Variants in RABL6 observed in about 807,000 individuals in gnomAD.
RABL6 encodes the protein RAB, member RAS oncogene family like 6.
Under a neutral mutation model 72.9 loss-of-function variants are expected in RABL6, and 28 were observed. The ratio of observed to expected loss-of-function variants is 0.38; its 90% CI spans 0.28 to 0.53. RABL6 has a LOEUF of 0.53. RABL6 is among the 20% of genes least tolerant of loss of function. RABL6 has a pLI of 0.80. For missense variants in RABL6, 1,029 were observed against 1,008.4 expected, an observed-to-expected ratio of 1.02 and a Z score of -0.28; for synonymous variants, 477 against 421.2, an observed-to-expected ratio of 1.13 and a Z score of -1.62.
At chr9:136,834,963 G>A (rs972237541) in intron 7 of RABL6, among the ~76,000 whole-genome samples, 7 of 137,654 alleles carry the variant, frequency 5.1e-5, no homozygotes, top group Non-Finnish European at 7.9e-5. Context: ...CTCTGAAAAA[G>A]ATGATTCAAA....
intron 1 of RABL6, chr9:136,813,055 C>T: frequency 2.6e-6 from 1 of 378,644 alleles, no homozygotes; most frequent in Non-Finnish European, 5.1e-6. Context: ...GCCTTTGGGG[C>T]ACCCGGTTTC....
rs770149545 is a variant in RABL6, at chr9:136,833,714, C to A, written c.705+1344C>A. 41 of 1,550,344 alleles carry A rather than the reference C, an allele frequency of 2.6e-5. No individual in the cohort carries two copies. In the South Asian group the frequency reaches 4.9e-4, roughly 18 times the overall value. ...TGCAGCTGCAGCAGCCTTGGTCTTT[C>A]TCCAGAAGGATGTCAGGCTTGCCCA... On this transcript the variant is annotated intron_variant, in intron 7 of 14. Transcript: ENST00000311502.
intron 10 of RABL6, 129 bp downstream of exon 10, chr9:136,838,144 C>G (rs1848618621): frequency 8.5e-7 from 1 of 1,179,732 alleles, no homozygotes; most frequent in Admixed American, 2.5e-5. Context: ...TGGCTGAGGA[C>G]AGAGCAGCTC....
Position 136,807,999 on chromosome 9 carries a change from C to T in RABL6, c.-198C>T. The T allele has an allele frequency of 2.0e-6, 2 of 1,016,390 alleles. No homozygotes were observed. Among genetic ancestry groups the T allele is most frequent in the African/African-American group, 1.7e-5 (1 of 57,618 alleles). 63.0% of individuals were successfully genotyped at this position (1,016,390 alleles called of 1,614,324 possible). ...CGGTCGCGCCGGAGGCCGCGGGGGCCGGAGCGGAGCAGCCGCGGCTGAGGT... is the reference window on the plus strand; with the variant it reads ...CGGTCGCGCCGGAGGCCGCGGGGGCTGGAGCGGAGCAGCCGCGGCTGAGGT... On this transcript the variant is annotated 5_prime_UTR_variant, in exon 1 of 15. Coordinates refer to ENST00000311502, the MANE Select transcript of RABL6 (RefSeq NM_024718.5).
At chr9:136,829,023 CCT>C (rs1362743461) in intron 4 of RABL6, among the ~76,000 whole-genome samples, 3 of 152,184 alleles carry the variant, frequency 2.0e-5, no homozygotes, top group Non-Finnish European at 4.4e-5. Flanking sequence ...TGCAGCTAAC[CCT>C]GTTTGTGGGC....
chr9:136,824,860 T>C (rs1237337275), intron 2 of RABL6, among the ~76,000 whole-genome samples: 2 of 152,186 alleles, frequency 1.3e-5, no homozygotes, highest in African/African-American at 4.8e-5. Flanking sequence ...AAGCTCTACC[T>C]GCCACCGCAC....
At chr9:136,825,752 C>A (rs1345716920) in intron 2 of RABL6, 27 bp from the exon 3 acceptor site, 2 of 1,611,666 alleles carry the variant, frequency 1.2e-6, no homozygotes, top group Admixed American at 3.3e-5. Flanking sequence ...ATGTTGGGCA[C>A]TAATTTTAGG....
In RABL6 at chr9:136,838,958, G is replaced by A. The variant is rs372102835; in HGVS notation, c.1330G>A (p.Asp444Asn). ...CCCGATGGTGGCAGGGTTCCAGGACGATGTGGACCTCGAAGACCAGCCACG... is the reference window on the plus strand; with the variant it reads ...CCCGATGGTGGCAGGGTTCCAGGACAATGTGGACCTCGAAGACCAGCCACG... ...GNPMVAGFQD[D>N]VDLEDQPRGS... The change falls in exon 11 of 15, where the codon GAT becomes AAT. Residue 444 changes from aspartate to asparagine, a missense_variant. Around this residue, in one of 2 missense-constraint regions of RABL6, gnomAD observed 595 missense variants for 472.4 expected, o/e 1.26. Coordinates refer to ENST00000311502, the MANE Select transcript of RABL6 (RefSeq NM_024718.5). 35 of 1,610,678 alleles carry A rather than the reference G, an allele frequency of 2.2e-5. No homozygotes were observed. Among genetic ancestry groups the A allele is most frequent in the African/African-American group, 5.3e-5 (4 of 75,032 alleles).
intron 1 of RABL6, among the ~76,000 whole-genome samples, chr9:136,818,344 C>G (rs1258880335): frequency 1.0e-5 from 1 of 97,346 alleles, no homozygotes. Flanking sequence ...GCCTGGGCAA[C>G]AAAACCAGAC....
At chr9:136,835,874 G>T (rs375092289) in intron 8 of RABL6, 29 bp downstream of exon 8, 2 of 1,543,762 alleles carry the variant, frequency 1.3e-6, no homozygotes, top group Non-Finnish European at 1.8e-6. Flanking sequence ...CCGTGCGGGC[G>T]GTGTGGGGGC....
intron 1 of RABL6, chr9:136,815,337 C>T (rs912960897): frequency 1.8e-5 from 5 of 275,692 alleles, no homozygotes; most frequent in Admixed American, 4.0e-5. Context: ...CTTTTTTGTT[C>T]GGGAAACTGT....
intron 1 of RABL6, chr9:136,815,187 T>C (rs962116565): frequency 1.1e-4 from 38 of 333,730 alleles, no homozygotes; most frequent in Admixed American, 2.0e-4. Context: ...TTGCCGTTCT[T>C]TGCCCCCTTG....
chr9:136,808,096 C>CG lies in RABL6; in HGVS notation c.-94dup, dbSNP rs909897700. The CG allele has an allele frequency of 2.1e-5, 26 of 1,230,744 alleles. No individual in the cohort carries two copies. The highest frequency in any genetic ancestry group is 5.3e-5 in the South Asian group (2 of 37,646). The allele number at this position is 1,230,744 out of a possible 1,614,324, so 76.2% of individuals were successfully genotyped here. ...CTCTGGCCGCGCCGGCTCCGGCCTC[C>CG]GGGGGGGCCGGGGCCGCCGGGACAT... On this transcript the variant is annotated 5_prime_UTR_variant, in exon 1 of 15. Coordinates refer to ENST00000311502, the MANE Select transcript of RABL6 (RefSeq NM_024718.5).
intron 1 of RABL6, among the ~76,000 whole-genome samples, chr9:136,817,963 G>A (rs1316057570): frequency 6.6e-6 from 1 of 150,718 alleles, no homozygotes; most frequent in Non-Finnish European, 1.5e-5. Context: ...TCAGGAGGCC[G>A]AGGCACAAGA....
At chr9:136,829,594 C>T (rs904413836) in intron 5 of RABL6, 110 bp downstream of exon 5, 118 of 1,000,966 alleles carry the variant, frequency 1.2e-4, no homozygotes, top group Middle Eastern at 2.5e-4. Flanking sequence ...TCTGCAGGAC[C>T]GAGGGACTCT....
chr9:136,820,104 T>C (rs1848206801), intron 1 of RABL6, among the ~76,000 whole-genome samples: 1 of 144,834 alleles, frequency 6.9e-6, no homozygotes, highest in Non-Finnish European at 1.5e-5. Context: ...GAGGCTGAGA[T>C]GGGAGAATCA....
At chr9:136,827,485 A>G (rs1848384267) in intron 3 of RABL6, 1 of 152,202 alleles carries the variant, frequency 6.6e-6, no homozygotes, top group Non-Finnish European at 1.5e-5. Flanking sequence ...GCTTTCCCCA[A>G]AGCAGATCCA....
chr9:136,822,930 T>C (rs1848272189), intron 1 of RABL6, among the ~76,000 whole-genome samples: 1 of 151,776 alleles, frequency 6.6e-6, no homozygotes, highest in Admixed American at 6.6e-5. Flanking sequence ...CTACTAAAAA[T>C]ACAAAAAATT....
At chr9:136,830,751 G>T (rs1230228159) in intron 5 of RABL6, among the ~76,000 whole-genome samples, 1 of 152,268 alleles carries the variant, frequency 6.6e-6, no homozygotes, top group Non-Finnish European at 1.5e-5. Flanking sequence ...GAGTGACAGC[G>T]AGACTTGAGC....
Sources: allele counts gnomAD v4.1 joint callset (sites outside exome capture counted in the v4.1 genomes callset), GRCh38; gene constraint gnomAD v4.1.1; regional missense constraint gnomAD v4.1.1; transcripts MANE v1.5; gene names NCBI Gene and HGNC (gene_info 2026-07-23, HGNC 2026-07-21).